ZNF438: variants seen among roughly 807,000 people sequenced by gnomAD.
ZNF438 encodes zinc finger protein 438.
A neutral mutation model predicts 38.0 loss-of-function variants in ZNF438; 25 were observed. That is an observed-to-expected ratio of 0.66 (90% CI 0.48 to 0.92). ZNF438 has a LOEUF of 0.92. Ranked by LOEUF, ZNF438 falls within the 40% of genes least tolerant of loss-of-function variation. ZNF438 has a pLI of 0.00. For synonymous variants in ZNF438, 372 were observed against 364.1 expected (o/e 1.02, Z -0.25); for missense variants, 1,007 against 999.6 (o/e 1.01, Z -0.10).
chr10:30,924,993 T>G (rs769772195), intron 2 of ZNF438, among the ~76,000 whole-genome samples: 8 of 152,238 alleles, frequency 5.3e-5, no homozygotes, highest in Non-Finnish European at 1.2e-4. Context: ...GTTTTGTTGT[T>G]GCTGCTCGTC....
intron 2 of ZNF438, chr10:30,921,266 G>A (rs1044309496): frequency 2.0e-5 from 3 of 152,074 alleles, no homozygotes; most frequent in Admixed American, 1.3e-4. Flanking sequence ...ACCTTTCAAC[G>A]TCAAGTAAAA....
intron 1 of ZNF438, among the ~76,000 whole-genome samples, chr10:30,954,011 C>T (rs548902486): frequency 4.6e-5 from 7 of 152,106 alleles, no homozygotes; most frequent in South Asian, 2.1e-4. Flanking sequence ...GATGTGGTGG[C>T]GGGCACCTGT....
At chr10:30,915,699 T>C (rs1359561544) in intron 2 of ZNF438, among the ~76,000 whole-genome samples, 1 of 152,070 alleles carries the variant, frequency 6.6e-6, no homozygotes, top group Non-Finnish European at 1.5e-5. Flanking sequence ...AAGATCTAGA[T>C]ATTAGCCACA....
chr10:30,898,093 T>C (rs1317943851), intron 3 of ZNF438, among the ~76,000 whole-genome samples: 2 of 152,184 alleles, frequency 1.3e-5, no homozygotes, highest in African/African-American at 4.8e-5. Context: ...TTAACTTTAG[T>C]CTAAGTAAAG....
intron 2 of ZNF438, among the ~76,000 whole-genome samples, chr10:30,930,413 G>A (rs921336945): frequency 1.3e-4 from 19 of 151,956 alleles, no homozygotes; most frequent in South Asian, 8.3e-4. Context: ...GTTCCCACCC[G>A]CGCATCTCCC....
At chr10:31,016,066 AAT>A (rs1417262294) in intron 1 of ZNF438, among the ~76,000 whole-genome samples, 1 of 152,230 alleles carries the variant, frequency 6.6e-6, no homozygotes, top group African/African-American at 2.4e-5. Flanking sequence ...GACCAATAAT[AAT>A]AAAATTTTAA....
chr10:30,949,318 A>C (rs1213103076), intron 1 of ZNF438, among the ~76,000 whole-genome samples: 2 of 151,888 alleles, frequency 1.3e-5, no homozygotes, highest in South Asian at 2.1e-4. Context: ...AAAGACCATC[A>C]AGACTACGAA....
At chr10:30,980,687 A>G (rs1003622164) in intron 1 of ZNF438, among the ~76,000 whole-genome samples, 1 of 152,214 alleles carries the variant, frequency 6.6e-6, no homozygotes. Flanking sequence ...AATTTGGGAG[A>G]ACAGATGGCA....
chr10:31,006,130 A>T (rs1352121483), intron 1 of ZNF438, among the ~76,000 whole-genome samples: 1 of 152,194 alleles, frequency 6.6e-6, no homozygotes, highest in Non-Finnish European at 1.5e-5. Flanking sequence ...AACTGCTAAA[A>T]TCCTTAGAAT....
intron 4 of ZNF438, among the ~76,000 whole-genome samples, chr10:30,872,964 C>CTGTCAGAGAATCATTTGG (rs2037729848): frequency 6.6e-6 from 1 of 152,144 alleles, no homozygotes; most frequent in Admixed American, 6.5e-5. Flanking sequence ...TACATTGTCC[C>CTGTCAGAGAATCATTTGG]TGTCAGAGAA....
At chr10:30,940,682 G>A (rs934458450) in intron 2 of ZNF438, among the ~76,000 whole-genome samples, 4 of 152,190 alleles carry the variant, frequency 2.6e-5, no homozygotes, top group Admixed American at 2.0e-4. Flanking sequence ...ATTACTAAAA[G>A]TGGTTCTATA....
chr10:30,933,387 A>G (rs541613434), intron 2 of ZNF438, among the ~76,000 whole-genome samples: 5 of 152,344 alleles, frequency 3.3e-5, no homozygotes, highest in Admixed American at 3.3e-4. Flanking sequence ...GGATTTGTGC[A>G]TTAAATTATT....
intron 1 of ZNF438, among the ~76,000 whole-genome samples, chr10:30,978,940 T>C (rs1036850986): frequency 2.0e-5 from 3 of 152,212 alleles, no homozygotes; most frequent in Admixed American, 6.5e-5. Context: ...TCTTATATGA[T>C]ATCGTCTTCG....
intron 1 of ZNF438, among the ~76,000 whole-genome samples, chr10:30,950,303 T>C (rs1350089614): frequency 1.3e-5 from 2 of 151,214 alleles, no homozygotes; most frequent in Non-Finnish European, 2.9e-5. Flanking sequence ...GCAGGAAACA[T>C]CCAAAATTGA....
chr10:30,977,349 ATTC>A (rs1589531184), intron 1 of ZNF438, among the ~76,000 whole-genome samples: 1 of 152,218 alleles, frequency 6.6e-6, no homozygotes, highest in South Asian at 2.1e-4. Context: ...TGAGAAAGAA[ATTC>A]TTCTTTTTCA....
At chr10:30,888,061 T>G (rs1486198265) in intron 3 of ZNF438, among the ~76,000 whole-genome samples, 1 of 152,208 alleles carries the variant, frequency 6.6e-6, no homozygotes, top group African/African-American at 2.4e-5. Flanking sequence ...TGCCAGTTTT[T>G]GGTTATCATG....
At chr10:30,869,167 G>GT (rs1490794944) in intron 4 of ZNF438, among the ~76,000 whole-genome samples, 1 of 152,190 alleles carries the variant, frequency 6.6e-6, no homozygotes, top group African/African-American at 2.4e-5. Context: ...GAGGTCAGGA[G>GT]TTTGAGACCA....
chr10:30,933,837 T>C (rs1462937418), intron 2 of ZNF438, among the ~76,000 whole-genome samples: 2 of 152,132 alleles, frequency 1.3e-5, no homozygotes. Context: ...GTGGGGGCAC[T>C]GGGAGCCACA....
intron 1 of ZNF438, among the ~76,000 whole-genome samples, chr10:30,947,573 G>A (rs929791202): frequency 1.3e-5 from 2 of 152,254 alleles, no homozygotes; most frequent in Non-Finnish European, 2.9e-5. Flanking sequence ...CTTCCCGGCT[G>A]CTTTGTTTAC....
Sources: allele counts gnomAD v4.1 joint callset (sites outside exome capture counted in the v4.1 genomes callset), GRCh38; gene constraint gnomAD v4.1.1; transcripts MANE v1.5; gene names NCBI Gene and HGNC (gene_info 2026-07-23, HGNC 2026-07-21).